TBX1: variants seen among roughly 807,000 people sequenced by gnomAD.
The protein encoded by TBX1 is T-box transcription factor 1.
In TBX1, 16 loss-of-function variants were observed where a neutral mutation model predicts 40.8. The observed-to-expected ratio is 0.39, with a 90% confidence interval of 0.27 to 0.60. The LOEUF (loss-of-function observed/expected upper bound fraction) is 0.60. Ranked by LOEUF, TBX1 falls within the 20% of genes least tolerant of loss-of-function variation. The pLI is 0.51. For missense variants in TBX1, 755 were observed against 728.5 expected (o/e 1.04, Z -0.42); for synonymous variants, 403 against 336.8 (o/e 1.20, Z -2.15).
chr22:19,761,528 G>A (rs1359005847), intron 1 of TBX1, among the ~76,000 whole-genome samples: 1 of 151,680 alleles, frequency 6.6e-6, no homozygotes, highest in Non-Finnish European at 1.5e-5. Flanking sequence ...GGGCCGCACG[G>A]GAACGGCGAG....
At position 19,767,210 on chromosome 22, in the gene TBX1, C is replaced by A. The variant is rs1021805836; in HGVS notation, c.*343C>A. ...GAGACCGCGTCGCCCGCGGCCCGGC[C>A]GGCAGTTGCAGTGTAGACAGCCCGA... is the stretch of plus-strand genomic sequence containing the variant. On this transcript the variant is annotated 3_prime_UTR_variant, in exon 7 of 7. Coordinates refer to ENST00000649276, the MANE Select transcript of TBX1 (RefSeq NM_001379200.1). 4 of 1,099,282 alleles carry A rather than the reference C, an allele frequency of 3.6e-6. No homozygotes were observed. In the South Asian group the frequency reaches 1.3e-4, roughly 37 times the overall value. 68.1% of individuals were successfully genotyped at this position (1,099,282 alleles called of 1,614,324 possible).
chr22:19,771,423 C>T (rs1315595553), downstream of TBX1, among the ~76,000 whole-genome samples: 3 of 152,246 alleles, frequency 2.0e-5, no homozygotes, highest in African/African-American at 4.8e-5. Flanking sequence ...TCTTTAACCG[C>T]TGCCAGGTCT....
chr22:19,759,510 C>T, upstream of TBX1: 2 of 1,514,552 alleles, frequency 1.3e-6, no homozygotes, highest in South Asian at 1.2e-5. Flanking sequence ...GCGCGGAGCC[C>T]GCTGTCTCCC....
At chr22:19,777,478 G>A (rs1937083767) in intron 8 of TBX1, among the ~76,000 whole-genome samples, 1 of 151,894 alleles carries the variant, frequency 6.6e-6, no homozygotes, top group Non-Finnish European at 1.5e-5. Flanking sequence ...CATTTGGGTT[G>A]GTTCCAAGTC....
intron 8 of TBX1, among the ~76,000 whole-genome samples, chr22:19,773,246 TC>T (rs1338446219): frequency 2.0e-5 from 3 of 152,164 alleles, no homozygotes; most frequent in Admixed American, 6.5e-5. Flanking sequence ...GCCTGCCTGC[TC>T]CGCCACCTCC....
intron 4 of TBX1, 24 bp downstream of exon 4, chr22:19,765,137 G>A (rs774748518): frequency 6.2e-7 from 1 of 1,614,046 alleles, no homozygotes; most frequent in Non-Finnish European, 8.5e-7. Flanking sequence ...GGGAGGACCT[G>A]AGCGGATTCA....
At chr22:19,776,282 C>T (rs1257506000) in intron 8 of TBX1, among the ~76,000 whole-genome samples, 1 of 152,152 alleles carries the variant, frequency 6.6e-6, no homozygotes, top group African/African-American at 2.4e-5. Flanking sequence ...CTATAGCTTT[C>T]CTTAGGATCC....
chr22:19,770,859 G>A (rs751791190), downstream of TBX1, among the ~76,000 whole-genome samples: 3 of 152,186 alleles, frequency 2.0e-5, no homozygotes, highest in Non-Finnish European at 2.9e-5. Context: ...TAGGACGAAA[G>A]GGATGGCTCC....
intron 1 of TBX1, among the ~76,000 whole-genome samples, chr22:19,762,261 C>A (rs913412737): frequency 6.6e-6 from 1 of 152,248 alleles, no homozygotes; most frequent in Non-Finnish European, 1.5e-5. Context: ...CGGGAGCCCA[C>A]GTCCCGCAGC....
At chr22:19,777,799 C>T (rs4819521) in intron 8 of TBX1, among the ~76,000 whole-genome samples, 78,974 of 148,878 alleles carry the variant, frequency 0.53, 22,090 homozygotes, top group African/African-American at 0.69. Flanking sequence ...TCCCTCTGCC[C>T]CCCAGCCTGG....
chr22:19,763,395 C>T (rs1314813553), intron 2 of TBX1, 53 bp downstream of exon 2: 18 of 1,563,028 alleles, frequency 1.2e-5, no homozygotes, highest in South Asian at 3.3e-5. Context: ...TGGAAAGTGG[C>T]GGGTCTCCGC....
chr22:19,766,695 C>A lies in TBX1; in HGVS notation c.1343C>A (p.Pro448His), dbSNP rs760098496. 3 of 1,547,986 alleles carry A rather than the reference C, an allele frequency of 1.9e-6. No individual in the cohort carries two copies. Among genetic ancestry groups the A allele is most frequent in the African/African-American group, 2.8e-5 (2 of 70,730 alleles). ...AKSRPAPYPL[P>H]GLRGHGYHPH... Reference sequence around the variant, plus strand: ...AGCCGGCCGGCGCCCTACCCGCTGCCCGGCCTGCGTGGCCACGGCTACCAC... The same window carrying A: ...AGCCGGCCGGCGCCCTACCCGCTGCACGGCCTGCGTGGCCACGGCTACCAC... The change falls in exon 7 of 7, where the codon CCC becomes CAC. Residue 448 changes from proline (P) to histidine (H), a missense_variant. This residue lies in a region of TBX1 where 412 missense variants were observed against 317.6 expected (regional missense o/e 1.30). Coordinates refer to ENST00000649276, the MANE Select transcript of TBX1 (RefSeq NM_001379200.1).
Position 19,766,479 on chromosome 22 carries a change from G to A in TBX1, c.1127G>A (p.Arg376Gln), listed in dbSNP as rs548714133. 1.1e-5 allele frequency: 14 copies of A among 1,327,234 alleles called. No homozygotes were observed. The African/African-American group carries it at 2.0e-4, about 19-fold the overall frequency. 82.2% of individuals were successfully genotyped at this position (1,327,234 alleles called of 1,614,324 possible). ...GCGCATCCTCCGCAGCTGCTGGCCC[G>A]GGTGCTAAGCCCCTCGCTGCCCGGG... Reference protein sequence around the residue: ...DPAHPPQLLARVLSPSLPGAG... With the variant: ...DPAHPPQLLAQVLSPSLPGAG... The change falls in exon 7 of 7, where the codon CGG (arginine) becomes CAG (glutamine). Residue 376 changes from arginine to glutamine, a missense_variant. Coordinates refer to ENST00000649276, the MANE Select transcript of TBX1 (RefSeq NM_001379200.1).
Position 19,766,417 on chromosome 22 carries a change from G to C in TBX1, c.1065G>C (p.Gln355His), listed in dbSNP as rs1936845811. ...KDAAEARREF[Q>H]RDAGGPAVLG... ...CGGCTGAGGCCCGGCGAGAATTCCA[G>C]CGCGACGCGGGCGGGCCAGCAGTGC... Residue 355 changes from glutamine (Q) to histidine (H), a missense_variant, in exon 7 of 7, where the codon CAG becomes CAC. Around this residue, in one of 3 missense-constraint regions of TBX1, gnomAD observed 412 missense variants for 317.6 expected, o/e 1.30. Transcript: ENST00000649276. 16 of 1,345,368 alleles carry C rather than the reference G, an allele frequency of 1.2e-5. No individual in the cohort carries two copies. Among genetic ancestry groups the C allele is most frequent in the Non-Finnish European group, 1.5e-5 (16 of 1,045,514 alleles). 83.3% of individuals were successfully genotyped at this position (1,345,368 alleles called of 1,614,324 possible). A position where few individuals can be genotyped will look rare whatever the true frequency, so the allele number is the denominator to read the frequency against.
downstream of TBX1, chr22:19,782,779 C>T: frequency 6.7e-7 from 1 of 1,499,486 alleles, no homozygotes; most frequent in Non-Finnish European, 9.1e-7. Context: ...GTTTCTGGGG[C>T]CTCAGCTGTC....
At chr22:19,768,953 CTTTTTTTTTTT>C (rs36085623), downstream of TBX1, among the ~76,000 whole-genome samples, 3 of 66,128 alleles carry the variant, frequency 4.5e-5, no homozygotes, top group South Asian at 1.5e-3. Context: ...TGTTCGCATT[CTTTTTTTTTTT>C]TTTTTTTTTT....
exon 9 of TBX1, chr22:19,779,394 A>G (rs1163283371): frequency 6.2e-7 from 1 of 1,614,214 alleles, no homozygotes; most frequent in Non-Finnish European, 8.5e-7. Context: ...ACCGCAGGTG[A>G]CCGTCTTTGT....
upstream of TBX1, among the ~76,000 whole-genome samples, chr22:19,757,198 T>C (rs919476622): frequency 1.6e-4 from 25 of 152,144 alleles, no homozygotes; most frequent in African/African-American, 6.0e-4. Flanking sequence ...CCCTCACCTC[T>C]TCCCGTCGCC....
chr22:19,779,312 T>A (rs779223677), exon 9 of TBX1: 1 of 1,614,234 alleles, frequency 6.2e-7, no homozygotes, highest in Non-Finnish European at 8.5e-7. Flanking sequence ...TGCAGGTGGC[T>A]GTGTGAACCT....
Sources: gnomAD v4.1 joint callset for allele counts (sites outside exome capture counted in the v4.1 genomes callset) on GRCh38, gnomAD v4.1.1 for gene constraint, gnomAD v4.1.1 regional missense constraint, MANE v1.5 for transcripts, NCBI Gene and HGNC (gene_info 2026-07-23, HGNC 2026-07-21) for gene names.